TRAK1: variants seen among roughly 807,000 people sequenced by gnomAD.
TRAK1 encodes the protein trafficking kinesin-binding protein 1.
TRAK1 carries 33 observed loss-of-function variants against 92.1 expected under a neutral mutation model. The observed-to-expected ratio is 0.36, with a 90% CI of 0.27 to 0.48. The LOEUF is 0.48. TRAK1 is among the 20% of genes least tolerant of loss of function. The probability of loss-of-function intolerance (pLI) is 0.99; values close to 1 mark genes in which losing one functional copy is unlikely to be tolerated. For synonymous variants in TRAK1, 521 were observed against 517.3 expected (o/e 1.01, Z -0.10); for missense variants, 1,123 against 1,257.9 (o/e 0.89, Z 1.62).
intron 5 of TRAK1, 83 bp from the exon 6 acceptor site, chr3:42,188,933 C>G (rs531761417): frequency 3.1e-6 from 3 of 976,208 alleles, no homozygotes; most frequent in Non-Finnish European, 4.8e-6. Flanking sequence ...TTCCTGCAAG[C>G]CCTTCTTTGT....
chr3:42,091,353 A>G, upstream of TRAK1: 1 of 881,426 alleles, frequency 1.1e-6, no homozygotes, highest in African/African-American at 1.7e-5. Context: ...TAACAAGCAA[A>G]CTCAGAAAAC....
At chr3:42,216,467 A>G (rs948579300) in intron 14 of TRAK1, among the ~76,000 whole-genome samples, 5 of 152,192 alleles carry the variant, frequency 3.3e-5, no homozygotes, top group African/African-American at 1.2e-4. Flanking sequence ...AGAGCAGGTG[A>G]GGTCTCACTC....
intron 1 of TRAK1, among the ~76,000 whole-genome samples, chr3:42,074,952 G>A (rs1369632135): frequency 1.3e-5 from 2 of 152,010 alleles, no homozygotes; most frequent in Admixed American, 6.6e-5. Flanking sequence ...AAGAAAATGT[G>A]GTATTTGGTT....
At chr3:42,208,311 C>G (rs1006185895) in intron 13 of TRAK1, among the ~76,000 whole-genome samples, 5 of 152,096 alleles carry the variant, frequency 3.3e-5, no homozygotes, top group Non-Finnish European at 7.3e-5. Context: ...GCAGTGTGCA[C>G]CTTTTTTTTC....
chr3:42,187,975 T>A, intron 4 of TRAK1, 70 bp from the exon 5 acceptor site: 4 of 1,304,486 alleles, frequency 3.1e-6, no homozygotes, highest in Non-Finnish European at 4.4e-6. Context: ...TGTTAAGTGT[T>A]GGAATGTGAG....
chr3:42,047,342 C>T (rs1383234141), intron 1 of TRAK1, among the ~76,000 whole-genome samples: 1 of 150,666 alleles, frequency 6.6e-6, no homozygotes, highest in Non-Finnish European at 1.5e-5. Context: ...ACTACAGGTA[C>T]ACACCACTGT....
At chr3:42,036,676 A>G (rs1439785881) in intron 1 of TRAK1, among the ~76,000 whole-genome samples, 1 of 152,230 alleles carries the variant, frequency 6.6e-6, no homozygotes, top group Non-Finnish European at 1.5e-5. Flanking sequence ...TCTAGTCCTA[A>G]GAGTTACAGA....
chr3:42,122,906 C>T (rs2149128573), intron 1 of TRAK1, among the ~76,000 whole-genome samples: 2 of 152,246 alleles, frequency 1.3e-5, no homozygotes, highest in South Asian at 4.1e-4. Flanking sequence ...CCCCATGAGG[C>T]AGAGAAGTCC....
intron 1 of TRAK1, among the ~76,000 whole-genome samples, chr3:42,111,456 C>T (rs564536331): frequency 3.6e-4 from 54 of 151,152 alleles, no homozygotes; most frequent in African/African-American, 1.2e-3. Flanking sequence ...AGTGCGGTGG[C>T]GCGATCTTGG....
chr3:42,149,340 C>T, intron 2 of TRAK1: 1 of 1,434,844 alleles, frequency 7.0e-7, no homozygotes. Context: ...CCTCCTTCCC[C>T]CATAGAATTT....
At chr3:42,131,256 C>G (rs1010799322) in intron 2 of TRAK1, among the ~76,000 whole-genome samples, 1 of 152,080 alleles carries the variant, frequency 6.6e-6, no homozygotes, top group Non-Finnish European at 1.5e-5. Flanking sequence ...GTGGTCGCTC[C>G]CTTCTGGTCA....
chr3:42,117,925 T>C (rs1709371964), intron 1 of TRAK1, among the ~76,000 whole-genome samples: 1 of 152,158 alleles, frequency 6.6e-6, no homozygotes, highest in Non-Finnish European at 1.5e-5. Context: ...GTTTAAGCGA[T>C]TCTCCCGCCT....
At chr3:42,161,201 T>C (rs1249267964) in intron 2 of TRAK1, among the ~76,000 whole-genome samples, 1 of 152,132 alleles carries the variant, frequency 6.6e-6, no homozygotes, top group Non-Finnish European at 1.5e-5. Context: ...TGGTATGAGC[T>C]TTCTAGTTGG....
chr3:42,172,047 G>A (rs912308731), intron 2 of TRAK1, among the ~76,000 whole-genome samples: 2 of 152,060 alleles, frequency 1.3e-5, no homozygotes, highest in Non-Finnish European at 2.9e-5. Flanking sequence ...AGGGCTCCTC[G>A]TTTGAATTTG....
chr3:42,063,878 A>C (rs993809283), intron 1 of TRAK1, among the ~76,000 whole-genome samples: 3 of 152,266 alleles, frequency 2.0e-5, no homozygotes, highest in African/African-American at 7.2e-5. Flanking sequence ...ATTTTGACCA[A>C]TAGTTTGCGG....
intron 4 of TRAK1, 56 bp from the exon 5 acceptor site, chr3:42,187,989 G>T (rs781073007): frequency 7.6e-6 from 11 of 1,450,388 alleles, no homozygotes; most frequent in Admixed American, 3.3e-5. Flanking sequence ...ATGTGAGTCG[G>T]GGGGGACAGT....
At chr3:42,190,150 C>A (rs1282349330) in intron 6 of TRAK1, among the ~76,000 whole-genome samples, 5 of 152,144 alleles carry the variant, frequency 3.3e-5, no homozygotes, top group African/African-American at 1.2e-4. Context: ...CCGATAGGTG[C>A]AAATTTAGTA....
chr3:42,115,337 C>T (rs1418272191), intron 1 of TRAK1, among the ~76,000 whole-genome samples: 1 of 152,092 alleles, frequency 6.6e-6, no homozygotes, highest in Non-Finnish European at 1.5e-5. Context: ...CCCTGCCCTT[C>T]TTGTCCTTTC....
intron 1 of TRAK1, among the ~76,000 whole-genome samples, chr3:42,107,821 G>A (rs1214166569): frequency 3.3e-5 from 5 of 151,776 alleles, no homozygotes; most frequent in Admixed American, 2.6e-4. Context: ...TTTCTCTAAA[G>A]TATAAGAAGT....
Sources: allele counts gnomAD v4.1 joint callset (sites outside exome capture counted in the v4.1 genomes callset), GRCh38; gene constraint gnomAD v4.1.1; transcripts MANE v1.5; gene names NCBI Gene and HGNC (gene_info 2026-07-23, HGNC 2026-07-21).